The following GLIPR2 variants were observed in gnomAD, a reference collection of about 807,000 sequenced individuals.
GLIPR2 encodes the protein Golgi-associated plant pathogenesis-related protein 1.
In GLIPR2, 21 loss-of-function variants were observed where a neutral mutation model predicts 20.4. That is an observed-to-expected ratio of 1.03 (90% confidence interval 0.73 to 1.48). The LOEUF is 1.48. Ranked by LOEUF, GLIPR2 falls within the 40% of genes most tolerant of loss-of-function variation. GLIPR2 has a pLI of 0.00. For missense variants in GLIPR2, 205 were observed against 200.1 expected (o/e 1.02, Z -0.15); for synonymous variants, 91 against 80.5 (o/e 1.13, Z -0.70).
intron 4 of GLIPR2, among the ~76,000 whole-genome samples, chr9:36,152,952 C>CAAAAAAAA (rs67296666): frequency 2.9e-4 from 4 of 14,034 alleles, no homozygotes; most frequent in East Asian, 2.4e-3. Context: ...ACTGAAAGTG[C>CAAAAAAAA]AAAAAAAAAA....
chr9:36,162,276 C>G (rs762924315), intron 4 of GLIPR2, 86 bp from the exon 5 acceptor site: 199 of 1,604,114 alleles, frequency 1.2e-4, no homozygotes, highest in Non-Finnish European at 1.6e-4. Flanking sequence ...CAAGATGGTA[C>G]AGGGGTTCAA....
At chr9:36,156,385 TAAAAA>T (rs58467311) in intron 4 of GLIPR2, among the ~76,000 whole-genome samples, 23 of 77,746 alleles carry the variant, frequency 3.0e-4, no homozygotes, top group African/African-American at 1.0e-3. Context: ...AAGCCATGTC[TAAAAA>T]AAAAAAAAAA....
chr9:36,149,599 C>A (rs1357481733), intron 3 of GLIPR2, among the ~76,000 whole-genome samples: 1 of 152,234 alleles, frequency 6.6e-6, no homozygotes, highest in African/African-American at 2.4e-5. Flanking sequence ...GCACAGCCTC[C>A]CTCGGGAGCC....
chr9:36,143,942 C>T (rs1232621783), intron 1 of GLIPR2, among the ~76,000 whole-genome samples: 1 of 152,220 alleles, frequency 6.6e-6, no homozygotes, highest in Non-Finnish European at 1.5e-5. Flanking sequence ...GAGGCCTCCA[C>T]CGTGTCTTCC....
intron 1 of GLIPR2, among the ~76,000 whole-genome samples, chr9:36,143,095 T>C (rs1368767318): frequency 6.6e-6 from 1 of 152,158 alleles, no homozygotes; most frequent in African/African-American, 2.4e-5. Context: ...CTTCCCATAT[T>C]CTGGGAGTGC....
At chr9:36,155,233 T>C (rs1659537359) in intron 4 of GLIPR2, among the ~76,000 whole-genome samples, 2 of 152,268 alleles carry the variant, frequency 1.3e-5, no homozygotes, top group South Asian at 4.1e-4. Context: ...ATTATTTTCA[T>C]AAACAATTTA....
intron 4 of GLIPR2, 107 bp from the exon 5 acceptor site, chr9:36,162,255 C>T (rs72731409): frequency 1.5e-5 from 24 of 1,602,332 alleles, no homozygotes; most frequent in Non-Finnish European, 2.0e-5. Flanking sequence ...ACCATGCTGA[C>T]CTGAGCCTGG....
Position 36,162,590 on chromosome 9 carries a change from A to G in GLIPR2, c.*68A>G. On this transcript the variant is annotated 3_prime_UTR_variant, in exon 5 of 5. Transcript: ENST00000377960. ...ATATGAAGTGCCTAGAACCACCACA[A>G]CCTGGCTGTGCGTCTGTCCCTGTGG... is the stretch of plus-strand genomic sequence containing the variant. 3 of 1,505,400 alleles carry G rather than the reference A, an allele frequency of 2.0e-6. No homozygotes were observed. Among genetic ancestry groups the G allele is most frequent in the Non-Finnish European group, 2.7e-6 (3 of 1,097,730 alleles). The allele number at this position is 1,505,400 out of a possible 1,614,324, so 93.3% of individuals were successfully genotyped here.
chr9:36,137,912 T>C (rs1824899416), intron 1 of GLIPR2, among the ~76,000 whole-genome samples: 1 of 152,236 alleles, frequency 6.6e-6, no homozygotes, highest in East Asian at 1.9e-4. Context: ...CTAACCAGCC[T>C]TCCTAGGCTG....
rs1348075895 is a variant in GLIPR2, at chr9:36,162,930, A to G, written c.*408A>G. On this transcript the variant is annotated 3_prime_UTR_variant, in exon 5 of 5. Transcript: ENST00000377960. ...ATGTGATCTTCATGCGTCGTAATCT[A>G]CTTTTGGTAGATAATTAAGATTATT... is the stretch of plus-strand genomic sequence containing the variant. 4.4e-6 allele frequency: 2 copies of G among 455,550 alleles called. No individual in the cohort carries two copies. The highest frequency in any genetic ancestry group is 4.0e-5 in the African/African-American group (2 of 50,026). The allele number at this position is 455,550 out of a possible 1,614,324, so 28.2% of individuals were successfully genotyped here.
chr9:36,162,560 C>G lies in GLIPR2; in HGVS notation c.*38C>G, dbSNP rs756387879. On this transcript the variant is annotated 3_prime_UTR_variant, in exon 5 of 5. Coordinates refer to ENST00000377960, the MANE Select transcript of GLIPR2 (RefSeq NM_022343.4). ...AATGGGAAGGTGGCAGACTTAAGAA[C>G]GTGGATATGAAGTGCCTAGAACCAC... is the stretch of plus-strand genomic sequence containing the variant. 1 of 1,605,150 alleles carries G rather than the reference C, an allele frequency of 6.2e-7. No individual in the cohort carries two copies. The highest frequency in any genetic ancestry group is 8.5e-7 in the Non-Finnish European group (1 of 1,174,578).
rs1825395447 is a variant in GLIPR2 at position 36,147,818 on chromosome 9, G to T, written c.46G>T (p.Ala16Ser). 6.3e-7 allele frequency: 1 copy of T among 1,587,304 alleles called. No homozygotes were observed. Among genetic ancestry groups the T allele is most frequent in the East Asian group, 2.2e-5 (1 of 44,742 alleles). The stretch of plus-strand genomic sequence containing the variant: ...ACAGTTTCATAATGAGGTCCTGAAG[G>T]CCCACAATGAGTACCGGCAGAAGCA... The part of the protein sequence containing the change: ...SKQFHNEVLK[A>S]HNEYRQKHGV... The change falls in exon 2 of 5, where the codon GCC becomes TCC. Residue 16 changes from alanine to serine, a missense_variant. Ala to Ser is a moderately conservative substitution (Grantham distance 99). Transcript: ENST00000377960.
chr9:36,155,257 C>T (rs900245834), intron 4 of GLIPR2, among the ~76,000 whole-genome samples: 2 of 152,122 alleles, frequency 1.3e-5, no homozygotes, highest in African/African-American at 4.8e-5. Context: ...ACTTTCAGTC[C>T]TCTGTCAATG....
intron 1 of GLIPR2, chr9:36,145,972 C>T (rs1408041079): frequency 2.6e-5 from 4 of 152,286 alleles, no homozygotes; most frequent in African/African-American, 9.7e-5. Flanking sequence ...ACCTTTTCCC[C>T]CACTGCAGCC....
chr9:36,148,657 C>A lies in GLIPR2; in HGVS notation c.226+7C>A. The A allele has an allele frequency of 6.3e-7, 1 of 1,592,010 alleles. No homozygotes were observed. The highest frequency in any genetic ancestry group is 1.1e-5 in the South Asian group (1 of 90,250). ...GCATCCTATGATCAGACAGGTGGGT[C>A]GCATTTTCAGCTCCTCTCCTCTCTG... On this transcript the variant is annotated splice_region_variant and intron_variant, in intron 3 of 4. Coordinates refer to ENST00000377960, the MANE Select transcript of GLIPR2 (RefSeq NM_022343.4).
At chr9:36,160,274 C>T (rs942777152) in intron 4 of GLIPR2, among the ~76,000 whole-genome samples, 8 of 152,164 alleles carry the variant, frequency 5.3e-5, no homozygotes, top group South Asian at 2.1e-4. Flanking sequence ...CCGCCCACCT[C>T]GGCCTCTCGA....
chr9:36,143,173 A>T (rs771841500), intron 1 of GLIPR2, among the ~76,000 whole-genome samples: 3 of 152,124 alleles, frequency 2.0e-5, no homozygotes, highest in Non-Finnish European at 4.4e-5. Context: ...CTCCAGCACT[A>T]TGGGATCCAG....
intron 1 of GLIPR2, among the ~76,000 whole-genome samples, chr9:36,142,334 T>C (rs550383760): frequency 3.3e-5 from 5 of 152,258 alleles, no homozygotes; most frequent in Admixed American, 2.0e-4. Flanking sequence ...GGGTGGGGGC[T>C]TAGGACAGGG....
At position 36,162,748 on chromosome 9, in the gene GLIPR2, C is replaced by T. The variant is rs973438617; in HGVS notation, c.*226C>T. The T allele has an allele frequency of 4.4e-5, 26 of 589,812 alleles. No homozygotes were observed. The highest frequency in any genetic ancestry group is 6.6e-5 in the Non-Finnish European group (22 of 334,944). The allele number at this position is 589,812 out of a possible 1,614,324, so 36.5% of individuals were successfully genotyped here. A position where few individuals can be genotyped will look rare whatever the true frequency, so the allele number is the denominator to read the frequency against. On this transcript the variant is annotated 3_prime_UTR_variant, in exon 5 of 5. Coordinates refer to ENST00000377960, the MANE Select transcript of GLIPR2 (RefSeq NM_022343.4). Reference sequence around the variant, plus strand: ...TTTACCCCGATGGTTACCTAGACCACGATTATTTGGATTGGGGGGAGGGGG... The same window carrying T: ...TTTACCCCGATGGTTACCTAGACCATGATTATTTGGATTGGGGGGAGGGGG...
Sources: allele counts gnomAD v4.1 joint callset (sites outside exome capture counted in the v4.1 genomes callset), GRCh38; gene constraint gnomAD v4.1.1; transcripts MANE v1.5; gene names NCBI Gene and HGNC (gene_info 2026-07-23, HGNC 2026-07-21).